The following POU6F2 variants were observed in gnomAD, a reference collection of about 807,000 sequenced individuals.
POU6F2 encodes POU domain, class 6, transcription factor 2.
Under a neutral mutation model 71.3 loss-of-function variants are expected in POU6F2, and 31 were observed. That is an observed-to-expected ratio of 0.43 (90% CI 0.33 to 0.59). The LOEUF (loss-of-function observed/expected upper bound fraction) is 0.59, where lower values mean the gene tolerates loss of function less well. Ranked by LOEUF, POU6F2 falls within the 20% of genes least tolerant of loss-of-function variation. POU6F2 has a pLI of 0.04. For missense variants in POU6F2, 783 were observed against 856.8 expected (o/e 0.91, Z 1.07); for synonymous variants, 347 against 355.7 (o/e 0.98, Z 0.27).
chr7:39,090,715 A>T (rs546637447), intron 2 of POU6F2, among the ~76,000 whole-genome samples: 1 of 152,182 alleles, frequency 6.6e-6, no homozygotes, highest in Non-Finnish European at 1.5e-5. Flanking sequence ...TTTCTATATC[A>T]ATTGAAAATT....
intron 7 of POU6F2, among the ~76,000 whole-genome samples, chr7:39,441,052 A>G (rs1185614195): frequency 6.6e-6 from 1 of 152,096 alleles, no homozygotes; most frequent in African/African-American, 2.4e-5. Flanking sequence ...GAGAACAGAA[A>G]AAATGGGTGC....
At chr7:39,221,588 A>G (rs1210330687) in intron 4 of POU6F2, among the ~76,000 whole-genome samples, 2 of 151,942 alleles carry the variant, frequency 1.3e-5, no homozygotes, top group East Asian at 1.9e-4. Context: ...GGGTTTCACC[A>G]TGTTGGCCAG....
At chr7:39,447,069 G>C (rs1788540971) in intron 7 of POU6F2, among the ~76,000 whole-genome samples, 1 of 152,162 alleles carries the variant, frequency 6.6e-6, no homozygotes, top group Admixed American at 6.5e-5. Flanking sequence ...GTAGGCAACT[G>C]CATCTGAGAT....
At position 39,407,634 on chromosome 7, in the gene POU6F2, T is replaced by A. The variant is rs116596335; in HGVS notation, c.1113+894T>A. Among the ~76,000 whole-genome samples, 1,483 of 151,870 alleles carry A rather than the reference T, an allele frequency of 9.8e-3. 18 individuals carry two copies. The highest frequency in any genetic ancestry group is 0.034 in the African/African-American group (1,425 of 41,366). ...GAGCTAGCATTCTCACAAAGACTTT[T>A]CCCCCCAGCCTTATCTATTTGCCCA... On this transcript the variant is annotated intron_variant, in intron 6 of 9. Coordinates refer to ENST00000518318, the MANE Select transcript of POU6F2 (RefSeq NM_001370959.1).
At chr7:39,439,079 C>G (rs1788323175) in intron 7 of POU6F2, among the ~76,000 whole-genome samples, 1 of 152,122 alleles carries the variant, frequency 6.6e-6, no homozygotes, top group African/African-American at 2.4e-5. Context: ...GTTAGCTCTT[C>G]TTGTTGAATT....
At chr7:39,373,666 G>A in intron 5 of POU6F2, 1 of 362,394 alleles carries the variant, frequency 2.8e-6, no homozygotes, top group South Asian at 2.2e-5. Context: ...TCTCCTTATT[G>A]AATAAAGAAT....
intron 7 of POU6F2, among the ~76,000 whole-genome samples, chr7:39,435,319 C>G (rs1788213905): frequency 6.6e-6 from 1 of 152,108 alleles, no homozygotes; most frequent in Non-Finnish European, 1.5e-5. Flanking sequence ...TTTTAATAAT[C>G]ACCATTCTGA....
chr7:39,305,701 G>A (rs1292746534), intron 4 of POU6F2, among the ~76,000 whole-genome samples: 4 of 152,174 alleles, frequency 2.6e-5, no homozygotes, highest in East Asian at 1.9e-4. Context: ...CATACAGTAC[G>A]ACCTGAAGGA....
At chr7:39,228,702 A>C (rs776195642) in intron 4 of POU6F2, among the ~76,000 whole-genome samples, 1 of 152,236 alleles carries the variant, frequency 6.6e-6, no homozygotes, top group Non-Finnish European at 1.5e-5. Flanking sequence ...GAGTAAATGT[A>C]ATCAGTAAGT....
intron 4 of POU6F2, among the ~76,000 whole-genome samples, chr7:39,327,706 T>A (rs1380692287): frequency 6.6e-6 from 1 of 151,934 alleles, no homozygotes; most frequent in Non-Finnish European, 1.5e-5. Flanking sequence ...AAATTCTGTG[T>A]ACATATATAT....
intron 6 of POU6F2, among the ~76,000 whole-genome samples, chr7:39,419,054 CAT>C (rs1491576542): frequency 1.6e-4 from 21 of 134,050 alleles, no homozygotes; most frequent in Admixed American, 4.5e-4. Context: ...TATGTATACA[CAT>C]ATATACACAT....
rs530220197 is a variant in POU6F2 at position 39,026,599 on chromosome 7, G to A, written c.105+48541G>A. Among the ~76,000 whole-genome samples, 373 of 152,166 alleles carry A rather than the reference G, an allele frequency of 2.5e-3. 3 individuals are homozygous for A. The highest frequency in any genetic ancestry group is 8.6e-3 in the African/African-American group (358 of 41,518). ...GGAACAACACACTCTGGGGACTGTTGTGGGGTGGGAGGAGTGGGGAGGGAT... is the reference window on the plus strand; with the variant it reads ...GGAACAACACACTCTGGGGACTGTTATGGGGTGGGAGGAGTGGGGAGGGAT... On this transcript the variant is annotated intron_variant, in intron 1 of 9. Coordinates refer to ENST00000518318, the MANE Select transcript of POU6F2 (RefSeq NM_001370959.1).
intron 4 of POU6F2, among the ~76,000 whole-genome samples, chr7:39,238,331 C>T (rs1013016903): frequency 6.6e-6 from 1 of 152,126 alleles, no homozygotes; most frequent in African/African-American, 2.4e-5. Context: ...TCTGTTTCCT[C>T]TCCCTCCTTA....
At chr7:39,217,353 A>T (rs2128747762) in intron 4 of POU6F2, among the ~76,000 whole-genome samples, 1 of 152,330 alleles carries the variant, frequency 6.6e-6, no homozygotes, top group African/African-American at 2.4e-5. Context: ...GGGGATGGAA[A>T]TATGTGCTAA....
At chr7:39,140,861 T>A (rs146729818) in intron 2 of POU6F2, among the ~76,000 whole-genome samples, 105 of 152,006 alleles carry the variant, frequency 6.9e-4, no homozygotes, top group Non-Finnish European at 1.1e-3. Context: ...CAGTGAGGAG[T>A]CACCAGGGGT....
At chr7:39,459,772 T>C (rs746629271) in intron 8 of POU6F2, among the ~76,000 whole-genome samples, 1 of 152,046 alleles carries the variant, frequency 6.6e-6, no homozygotes, top group Non-Finnish European at 1.5e-5. Context: ...CTTTCATTTA[T>C]CCAGGGATCA....
intron 5 of POU6F2, among the ~76,000 whole-genome samples, chr7:39,394,501 G>C (rs1004011371): frequency 1.7e-4 from 26 of 152,084 alleles, no homozygotes; most frequent in Non-Finnish European, 3.4e-4. Context: ...TCTGCCATAT[G>C]AACTCAAGCA....
chr7:39,359,136 C>T (rs1786324156), intron 5 of POU6F2, among the ~76,000 whole-genome samples: 1 of 151,942 alleles, frequency 6.6e-6, no homozygotes, highest in African/African-American at 2.4e-5. Context: ...TAAGGTGATT[C>T]CCTTAAGAAA....
intron 2 of POU6F2, among the ~76,000 whole-genome samples, chr7:39,123,777 G>GT (rs1792091114): frequency 1.3e-5 from 2 of 149,234 alleles, no homozygotes; most frequent in Admixed American, 6.7e-5. Flanking sequence ...TCTGATCTTT[G>GT]GTTTTTTTTT....
Sources: gnomAD v4.1 joint callset for allele counts (sites outside exome capture counted in the v4.1 genomes callset) on GRCh38, gnomAD v4.1.1 for gene constraint, MANE v1.5 for transcripts, NCBI Gene and HGNC (gene_info 2026-07-23, HGNC 2026-07-21) for gene names.